Variants in RAPGEF4 observed in about 807,000 individuals in gnomAD.
The protein encoded by RAPGEF4 is Rap guanine nucleotide exchange factor 4.
RAPGEF4 carries 66 observed loss-of-function variants against 147.9 expected under a neutral mutation model. The ratio of observed to expected loss-of-function variants is 0.45; its 90% CI spans 0.37 to 0.55. The LOEUF (loss-of-function observed/expected upper bound fraction) is 0.55, where lower values mean the gene tolerates loss of function less well. Ranked by LOEUF, RAPGEF4 falls within the 20% of genes least tolerant of loss-of-function variation. RAPGEF4 has a pLI of 0.00. For missense variants in RAPGEF4, 1,071 were observed against 1,257.3 expected (o/e 0.85, Z 2.24); for synonymous variants, 419 against 442.7 (o/e 0.95, Z 0.67).
intron 4 of RAPGEF4, among the ~76,000 whole-genome samples, chr2:172,840,984 T>C (rs1309085757): frequency 6.6e-6 from 1 of 152,208 alleles, no homozygotes; most frequent in Admixed American, 6.5e-5. Flanking sequence ...TAAAAGCTAA[T>C]GTGATAAGGG....
chr2:172,749,399 T>C (rs576151637), intron 1 of RAPGEF4, among the ~76,000 whole-genome samples: 1 of 152,356 alleles, frequency 6.6e-6, no homozygotes, highest in East Asian at 1.9e-4. Context: ...TTCAACACCA[T>C]GTGGAAGCTG....
intron 15 of RAPGEF4, among the ~76,000 whole-genome samples, chr2:172,995,287 GTGTT>G (rs1321462868): frequency 1.7e-3 from 234 of 136,338 alleles, no homozygotes; most frequent in African/African-American, 6.1e-3. Context: ...GTGTGTGTGT[GTGTT>G]TGTATTTTGA....
chr2:172,855,445 A>G (rs970919193), intron 4 of RAPGEF4, among the ~76,000 whole-genome samples: 1 of 152,140 alleles, frequency 6.6e-6, no homozygotes, highest in East Asian at 1.9e-4. Flanking sequence ...AATACAAGTA[A>G]TATTTTTAAG....
chr2:172,904,697 A>G (rs1412726716), intron 4 of RAPGEF4, among the ~76,000 whole-genome samples: 1 of 151,934 alleles, frequency 6.6e-6, no homozygotes, highest in African/African-American at 2.4e-5. Flanking sequence ...TTAGGAGTGA[A>G]GTGTCTTTAA....
intron 16 of RAPGEF4, among the ~76,000 whole-genome samples, chr2:172,999,067 G>T (rs967082973): frequency 6.6e-6 from 1 of 152,108 alleles, no homozygotes; most frequent in Non-Finnish European, 1.5e-5. Context: ...TAACCCATGG[G>T]CAGTGTGCCA....
chr2:172,941,735 A>G (rs773690756), intron 6 of RAPGEF4, among the ~76,000 whole-genome samples: 15 of 152,160 alleles, frequency 9.9e-5, no homozygotes, highest in Admixed American at 6.5e-4. Flanking sequence ...CTTGAGCTCA[A>G]TGCTGGCCCT....
chr2:172,821,985 G>T, intron 4 of RAPGEF4: 1 of 1,613,114 alleles, frequency 6.2e-7, no homozygotes, highest in Non-Finnish European at 8.5e-7. Context: ...AGGTCAGAAT[G>T]AATCTTTTTA....
In RAPGEF4 at chr2:172,941,775, A is replaced by C. The variant is rs1687185424; in HGVS notation, c.538-18985A>C. Among the ~76,000 whole-genome samples the C allele has an allele frequency of 2.0e-5, 3 of 152,168 alleles. No individual in the cohort carries two copies. The South Asian group carries it at 6.2e-4, about 31-fold the overall frequency. On this transcript the variant is annotated intron_variant, in intron 6 of 30. Transcript: ENST00000397081. ...CTTCTTAGCTATGTGGGCTTGAGCA[A>C]GTTACTTAAACTAAGACTCAGATTC...
chr2:172,819,458 G>GTTATTTT (rs1553514342), intron 4 of RAPGEF4, among the ~76,000 whole-genome samples: 1 of 79,698 alleles, frequency 1.3e-5, no homozygotes, highest in African/African-American at 4.4e-5. Flanking sequence ...ACCATTTTTA[G>GTTATTTT]TTCTTTTTTT....
chr2:172,930,676 A>T (rs548562385), intron 6 of RAPGEF4, among the ~76,000 whole-genome samples: 3 of 152,314 alleles, frequency 2.0e-5, no homozygotes, highest in African/African-American at 7.2e-5. Flanking sequence ...GTTAAATTTG[A>T]TAAGAATGTT....
chr2:172,940,473 C>T (rs1687038974), intron 6 of RAPGEF4, among the ~76,000 whole-genome samples: 2 of 151,938 alleles, frequency 1.3e-5, no homozygotes, highest in Non-Finnish European at 2.9e-5. Flanking sequence ...AAGTGTGGCA[C>T]CTCCCCACAA....
intron 4 of RAPGEF4, among the ~76,000 whole-genome samples, chr2:172,849,250 A>G (rs1692555489): frequency 6.6e-6 from 1 of 152,224 alleles, no homozygotes; most frequent in Non-Finnish European, 1.5e-5. Context: ...TATAAAAAAC[A>G]ATATGACAGA....
chr2:172,970,651 C>T (rs1223107070), intron 10 of RAPGEF4, among the ~76,000 whole-genome samples: 4 of 151,626 alleles, frequency 2.6e-5, no homozygotes, highest in African/African-American at 9.7e-5. Context: ...AAAAAAGTGT[C>T]ACTTGTTTTG....
intron 6 of RAPGEF4, among the ~76,000 whole-genome samples, chr2:172,940,263 G>A (rs1266101558): frequency 2.0e-5 from 3 of 151,994 alleles, no homozygotes; most frequent in African/African-American, 7.2e-5. Context: ...GGTAGCATGA[G>A]TTCTCCACTT....
intron 4 of RAPGEF4, among the ~76,000 whole-genome samples, chr2:172,823,622 T>C (rs934477651): frequency 6.6e-6 from 1 of 152,194 alleles, no homozygotes; most frequent in Non-Finnish European, 1.5e-5. Flanking sequence ...CTGAGTCGTC[T>C]CTGGGCTGCT....
intron 4 of RAPGEF4, among the ~76,000 whole-genome samples, chr2:172,898,009 C>A (rs947066157): frequency 1.3e-5 from 2 of 152,082 alleles, no homozygotes; most frequent in African/African-American, 4.8e-5. Flanking sequence ...CACAACATCA[C>A]TGGGGTGGGT....
At chr2:172,900,704 G>C (rs1380793188) in intron 4 of RAPGEF4, among the ~76,000 whole-genome samples, 1 of 152,010 alleles carries the variant, frequency 6.6e-6, no homozygotes, top group Admixed American at 6.6e-5. Flanking sequence ...TTAAGACATT[G>C]TACTCTTTTG....
chr2:173,036,306 A>C, intron 28 of RAPGEF4, 94 bp downstream of exon 28: 1 of 1,011,094 alleles, frequency 9.9e-7, no homozygotes, highest in Non-Finnish European at 1.5e-6. Flanking sequence ...TTAGGGAAGA[A>C]TGATCGATCC....
At chr2:172,744,355 T>G in intron 1 of RAPGEF4, 1 of 455,158 alleles carries the variant, frequency 2.2e-6, no homozygotes, top group South Asian at 1.6e-5. Flanking sequence ...AAGTTATTAA[T>G]CTTTTTGAAT....
Sources: gnomAD v4.1 joint callset for allele counts (sites outside exome capture counted in the v4.1 genomes callset) on GRCh38, gnomAD v4.1.1 for gene constraint, MANE v1.5 for transcripts, NCBI Gene and HGNC (gene_info 2026-07-23, HGNC 2026-07-21) for gene names.